The following PCDH15 variants were observed in gnomAD, a reference collection of about 807,000 sequenced individuals.
PCDH15 encodes the protein protocadherin related 15.
In PCDH15, 129 loss-of-function variants were observed where a neutral mutation model predicts 178.5. That is an observed-to-expected ratio of 0.72 (90% confidence interval 0.63 to 0.84). PCDH15 has a LOEUF of 0.84. Ranked by LOEUF, PCDH15 falls within the 40% of genes least tolerant of loss-of-function variation. PCDH15 has a pLI of 0.00. For synonymous variants in PCDH15, 800 were observed against 732.0 expected, an observed-to-expected ratio of 1.09 and a Z score of -1.50; for missense variants, 2,230 against 2,099.9, an observed-to-expected ratio of 1.06 and a Z score of -1.21.
At chr10:55,434,695 T>C (rs1322945107) in intron 2 of PCDH15, among the ~76,000 whole-genome samples, 3 of 151,820 alleles carry the variant, frequency 2.0e-5, no homozygotes, top group Admixed American at 2.0e-4. Context: ...AACCTCTGCC[T>C]CCCGAGTTCA....
chr10:55,038,331 A>G (rs539105866), intron 2 of PCDH15, among the ~76,000 whole-genome samples: 36 of 152,336 alleles, frequency 2.4e-4, no homozygotes, highest in Admixed American at 1.3e-3. Flanking sequence ...TTCATAATAG[A>G]TATTTAAAGT....
At chr10:54,835,992 C>G (rs1209823047) in intron 3 of PCDH15, among the ~76,000 whole-genome samples, 1 of 152,066 alleles carries the variant, frequency 6.6e-6, no homozygotes, top group African/African-American at 2.4e-5. Context: ...AGGTGGAAAA[C>G]TATTGTCATA....
chr10:55,244,461 AT>A (rs1022169295), intron 1 of PCDH15, among the ~76,000 whole-genome samples: 2 of 152,086 alleles, frequency 1.3e-5, no homozygotes, highest in Non-Finnish European at 2.9e-5. Flanking sequence ...AAACATGAAA[AT>A]TCCTAAACCC....
intron 2 of PCDH15, among the ~76,000 whole-genome samples, chr10:54,953,904 T>C (rs561496729): frequency 1.3e-5 from 2 of 151,426 alleles, no homozygotes; most frequent in South Asian, 2.1e-4. Flanking sequence ...GCATTTAAAA[T>C]ACATTTAAAA....
intron 1 of PCDH15, among the ~76,000 whole-genome samples, chr10:54,693,236 A>C (rs1391429367): frequency 6.6e-6 from 1 of 151,960 alleles, no homozygotes; most frequent in African/African-American, 2.4e-5. Context: ...AAGAATTATC[A>C]CTTTGACAAC....
At chr10:55,441,775 G>A (rs1487649299) in intron 2 of PCDH15, among the ~76,000 whole-genome samples, 1 of 152,084 alleles carries the variant, frequency 6.6e-6, no homozygotes, top group African/African-American at 2.4e-5. Flanking sequence ...ATCTTGTTTG[G>A]AAAAAGGACC....
At chr10:55,150,100 AGACGAGAG>A (rs1838663658) in intron 2 of PCDH15, among the ~76,000 whole-genome samples, 4 of 151,490 alleles carry the variant, frequency 2.6e-5, no homozygotes, top group Non-Finnish European at 2.9e-5. Context: ...AAAAGATAGA[AGACGAGAG>A]GAGAGAAGAG....
rs1393139667 is a variant in PCDH15 at position 54,838,308 on chromosome 10, C to T, written c.-29+59142G>A. Among the ~76,000 whole-genome samples the T allele has an allele frequency of 3.3e-5, 5 of 152,152 alleles. No homozygotes were observed. In the South Asian group the frequency reaches 1.0e-3, roughly 32 times the overall value. On this transcript the variant is annotated intron_variant, in intron 3 of 5. Transcript: ENST00000458638. Reference sequence around the variant, plus strand: ...TAATTGAATCATGGGTGCAGTTTCCCACATGTGGTTCTCGTGATAGTAAGT... The same window carrying T: ...TAATTGAATCATGGGTGCAGTTTCCTACATGTGGTTCTCGTGATAGTAAGT...
chr10:54,692,822 C>T (rs552884976), intron 1 of PCDH15, among the ~76,000 whole-genome samples: 1 of 150,494 alleles, frequency 6.6e-6, no homozygotes, highest in Non-Finnish European at 1.5e-5. Context: ...AATGATGCCA[C>T]ATACTTAGCA....
chr10:54,618,563 A>G (rs945824599), intron 2 of PCDH15, among the ~76,000 whole-genome samples: 1 of 152,094 alleles, frequency 6.6e-6, no homozygotes, highest in Non-Finnish European at 1.5e-5. Context: ...GTGAGTTACT[A>G]GGATTGTAAA....
At chr10:54,574,243 T>C (rs529956310) in intron 2 of PCDH15, among the ~76,000 whole-genome samples, 28 of 151,408 alleles carry the variant, frequency 1.8e-4, no homozygotes, top group Non-Finnish European at 5.9e-5. Context: ...TTTCTACATA[T>C]GGCTAGCCAG....
At chr10:55,258,063 T>C (rs1011063767) in intron 1 of PCDH15, among the ~76,000 whole-genome samples, 1 of 152,202 alleles carries the variant, frequency 6.6e-6, no homozygotes. Context: ...TTCATCATGC[T>C]GCCCACAATA....
At chr10:55,482,614 T>A (rs1017595166) in intron 2 of PCDH15, among the ~76,000 whole-genome samples, 13 of 151,808 alleles carry the variant, frequency 8.6e-5, no homozygotes, top group Non-Finnish European at 1.6e-4. Flanking sequence ...GGATTGGAAT[T>A]TTTTTCCTTT....
intron 10 of PCDH15, among the ~76,000 whole-genome samples, chr10:54,200,659 C>T (rs779352364): frequency 6.6e-6 from 1 of 152,112 alleles, no homozygotes; most frequent in Non-Finnish European, 1.5e-5. Flanking sequence ...TATTTTCAGT[C>T]CTTATCTTAC....
At chr10:55,190,356 G>A (rs564052885) in intron 1 of PCDH15, among the ~76,000 whole-genome samples, 34 of 151,430 alleles carry the variant, frequency 2.2e-4, no homozygotes, top group African/African-American at 7.7e-4. Context: ...TTTATCCAGG[G>A]GTATATATAT....
intron 2 of PCDH15, among the ~76,000 whole-genome samples, chr10:54,997,333 A>T (rs961519207): frequency 2.0e-5 from 3 of 152,164 alleles, no homozygotes; most frequent in Admixed American, 2.0e-4. Flanking sequence ...CATATGTTGC[A>T]TCTAACAAAT....
At chr10:54,215,571 GA>G (rs1193180677) in intron 9 of PCDH15, among the ~76,000 whole-genome samples, 1 of 152,072 alleles carries the variant, frequency 6.6e-6, no homozygotes, top group Non-Finnish European at 1.5e-5. Context: ...AGTCATAGAT[GA>G]AAATGTGGAT....
chr10:55,507,679 A>G (rs963411518), intron 2 of PCDH15, among the ~76,000 whole-genome samples: 2 of 151,166 alleles, frequency 1.3e-5, no homozygotes, highest in African/African-American at 4.8e-5. Flanking sequence ...CTGGTCCAGA[A>G]AGTGACCAAT....
At chr10:55,271,474 G>A (rs1185024400) in intron 1 of PCDH15, among the ~76,000 whole-genome samples, 1 of 151,924 alleles carries the variant, frequency 6.6e-6, no homozygotes, top group African/African-American at 2.4e-5. Context: ...TATGAGCAAT[G>A]AACAAAAATA....
Sources: gnomAD v4.1 joint callset for allele counts (sites outside exome capture counted in the v4.1 genomes callset) on GRCh38, gnomAD v4.1.1 for gene constraint, MANE v1.5 for transcripts, NCBI Gene and HGNC (gene_info 2026-07-23, HGNC 2026-07-21) for gene names.